Variants in STARD13 observed in about 807,000 individuals in gnomAD.
STARD13 encodes StAR related lipid transfer domain containing 13.
Under a neutral mutation model 106.4 loss-of-function variants are expected in STARD13, and 62 were observed. That is an observed-to-expected ratio of 0.58 (90% confidence interval 0.48 to 0.72). The LOEUF (loss-of-function observed/expected upper bound fraction) is 0.72, where lower values mean the gene tolerates loss of function less well. STARD13 is among the 30% of genes least tolerant of loss of function. The pLI, the probability that STARD13 is intolerant of heterozygous loss-of-function variation, is 0.00. For missense variants in STARD13, 1,387 were observed against 1,424.0 expected, an observed-to-expected ratio of 0.97 and a Z score of 0.42; for synonymous variants, 565 against 553.0, an observed-to-expected ratio of 1.02 and a Z score of -0.31.
At chr13:33,507,988 G>A in the STARD13 span, among the ~76,000 whole-genome samples, 2 of 152,042 alleles carry the variant, frequency 1.3e-5, no homozygotes, top group African/African-American at 4.8e-5. Context: ...AAGTGGGCCT[G>A]TGCAGTTCAA....
chr13:33,103,571 T>A lies in STARD13; in HGVS notation c.*2022A>T, dbSNP rs1368347413. On this transcript the variant is annotated 3_prime_UTR_variant, in exon 14 of 14. Transcript: ENST00000336934. ...CCAGCAGCATAGGCATCCCTGAGAC[T>A]CCTTAGAAATGCAGAATCTCAGGCC... 6.6e-6 allele frequency: 1 copy of A among 152,612 alleles called. No individual in the cohort carries two copies. Among genetic ancestry groups the A allele is most frequent in the Non-Finnish European group, 1.5e-5 (1 of 68,034 alleles). 9.5% of individuals were successfully genotyped at this position (152,612 alleles called of 1,614,324 possible).
the STARD13 span, among the ~76,000 whole-genome samples, chr13:33,631,055 G>A: frequency 6.6e-6 from 1 of 152,170 alleles, no homozygotes; most frequent in Non-Finnish European, 1.5e-5. Flanking sequence ...TCTGCTGTCA[G>A]CCCAGTGTGC....
the STARD13 span, among the ~76,000 whole-genome samples, chr13:33,544,503 A>AATC: frequency 6.6e-6 from 1 of 152,234 alleles, no homozygotes; most frequent in African/African-American, 2.4e-5. Context: ...TGTTTATGAT[A>AATC]ATCAGTTCCT....
At chr13:33,578,225 G>A in the STARD13 span, among the ~76,000 whole-genome samples, 27 of 152,030 alleles carry the variant, frequency 1.8e-4, no homozygotes, top group Admixed American at 5.3e-4. Context: ...AAATCTGGAG[G>A]CATCACATCA....
chr13:33,503,644 G>A, the STARD13 span, among the ~76,000 whole-genome samples: 1,413 of 152,284 alleles, frequency 9.3e-3, 13 homozygotes, highest in Non-Finnish European at 0.015. Context: ...TATGTACCCA[G>A]TAGTCATTCA....
chr13:33,299,929 A>G (rs1370967869), intron 1 of STARD13, among the ~76,000 whole-genome samples: 1 of 152,230 alleles, frequency 6.6e-6, no homozygotes, highest in African/African-American at 2.4e-5. Context: ...AACTGCATGC[A>G]ATATGTTGGG....
chr13:33,125,948 G>T, intron 7 of STARD13, 133 bp downstream of exon 7: 1 of 712,786 alleles, frequency 1.4e-6, no homozygotes, highest in Non-Finnish European at 2.3e-6. Flanking sequence ...CTACATAAAG[G>T]TCACAATGCC....
chr13:33,229,749 A>G (rs1206485397), intron 1 of STARD13, among the ~76,000 whole-genome samples: 1 of 152,180 alleles, frequency 6.6e-6, no homozygotes, highest in Non-Finnish European at 1.5e-5. Context: ...CTGTGAAAAT[A>G]TTCCCTCAGA....
the STARD13 span, among the ~76,000 whole-genome samples, chr13:33,501,169 C>T: frequency 1.6e-3 from 242 of 149,048 alleles, no homozygotes; most frequent in African/African-American, 5.4e-3. Flanking sequence ...CTCTGTCTCC[C>T]GGGTTCAAGC....
intron 1 of STARD13, among the ~76,000 whole-genome samples, chr13:33,254,744 T>C (rs1270368681): frequency 6.6e-6 from 1 of 151,998 alleles, no homozygotes; most frequent in African/African-American, 2.4e-5. Context: ...CTGAGATGAG[T>C]TTGGCTGGGG....
chr13:33,648,966 A>AT, the STARD13 span, among the ~76,000 whole-genome samples: 2 of 150,154 alleles, frequency 1.3e-5, no homozygotes, highest in African/African-American at 2.4e-5. Context: ...CTAATTTTGT[A>AT]TTTTTTTTAG....
chr13:33,522,394 G>A, the STARD13 span, among the ~76,000 whole-genome samples: 2 of 151,938 alleles, frequency 1.3e-5, no homozygotes, highest in African/African-American at 4.8e-5. Flanking sequence ...ATTACACAAA[G>A]CCCATAGTGT....
At chr13:33,275,547 C>T (rs530589905) in intron 1 of STARD13, 1 of 152,146 alleles carries the variant, frequency 6.6e-6, no homozygotes, top group East Asian at 1.9e-4. Context: ...CAAGGTCACT[C>T]TATGGGGATG....
chr13:33,653,789 A>G, the STARD13 span, among the ~76,000 whole-genome samples: 2 of 152,216 alleles, frequency 1.3e-5, no homozygotes, highest in Non-Finnish European at 2.9e-5. Context: ...CTGATAAGGG[A>G]TTAACATCCA....
upstream of STARD13, among the ~76,000 whole-genome samples, chr13:33,289,319 G>C (rs1892197327): frequency 6.6e-6 from 1 of 152,168 alleles, no homozygotes; most frequent in Non-Finnish European, 1.5e-5. Flanking sequence ...ACCAAAGACA[G>C]CAAAAGAGAA....
the STARD13 span, chr13:33,524,351 T>G: frequency 9.4e-7 from 1 of 1,058,530 alleles, no homozygotes; most frequent in East Asian, 6.4e-5. Flanking sequence ...TTCTTAGGAT[T>G]ACTCTCCAGG....
intron 1 of STARD13, among the ~76,000 whole-genome samples, chr13:33,229,610 C>T (rs895720400): frequency 1.3e-5 from 2 of 152,220 alleles, no homozygotes; most frequent in Non-Finnish European, 2.9e-5. Context: ...CACGCGTGCA[C>T]ACACACCACA....
At chr13:33,307,424 G>C (rs1892951773) in intron 1 of STARD13, among the ~76,000 whole-genome samples, 1 of 152,234 alleles carries the variant, frequency 6.6e-6, no homozygotes, top group Admixed American at 6.5e-5. Flanking sequence ...GTCCATCAAG[G>C]TTACAATGGA....
At chr13:33,161,175 C>A (rs970887204) in intron 3 of STARD13, among the ~76,000 whole-genome samples, 1 of 152,120 alleles carries the variant, frequency 6.6e-6, no homozygotes, top group African/African-American at 2.4e-5. Context: ...AGGCTACATG[C>A]TGTTTGATTT....
Sources: gnomAD v4.1 joint callset for allele counts (sites outside exome capture counted in the v4.1 genomes callset) on GRCh38, gnomAD v4.1.1 for gene constraint, MANE v1.5 for transcripts, NCBI Gene and HGNC (gene_info 2026-07-23, HGNC 2026-07-21) for gene names.